Variants in CSMD1 observed in about 807,000 individuals in gnomAD.
CSMD1 encodes the protein CUB and Sushi multiple domains 1.
Under a neutral mutation model 417.5 loss-of-function variants are expected in CSMD1, and 213 were observed. That is an observed-to-expected ratio of 0.51 (90% CI 0.46 to 0.57). The LOEUF is 0.57. Ranked by LOEUF, CSMD1 falls within the 20% of genes least tolerant of loss-of-function variation. CSMD1 has a pLI of 0.00. For missense variants in CSMD1, 6,923 were observed against 4,529.7 expected, an observed-to-expected ratio of 1.53 and a Z score of -15.17; for synonymous variants, 2,862 against 1,736.8, an observed-to-expected ratio of 1.65 and a Z score of -16.11.
At chr8:3,320,724 G>A (rs752661254) in intron 23 of CSMD1, among the ~76,000 whole-genome samples, 50 of 152,132 alleles carry the variant, frequency 3.3e-4, no homozygotes, top group Non-Finnish European at 7.1e-4. Context: ...GTGGGTGACT[G>A]CCATCCATCA....
At chr8:4,017,800 G>C (rs115895829) in intron 4 of CSMD1, among the ~76,000 whole-genome samples, 2 of 152,190 alleles carry the variant, frequency 1.3e-5, no homozygotes, top group African/African-American at 4.8e-5. Flanking sequence ...TCTGCATTTG[G>C]AAAAGATAAC....
At chr8:3,927,940 T>A (rs1046625004) in intron 5 of CSMD1, among the ~76,000 whole-genome samples, 5 of 152,182 alleles carry the variant, frequency 3.3e-5, no homozygotes, top group African/African-American at 9.6e-5. Context: ...TTTGTTAGAT[T>A]ATCTGTTAAT....
At chr8:4,795,433 G>T (rs1191281214) in intron 1 of CSMD1, among the ~76,000 whole-genome samples, 1 of 151,468 alleles carries the variant, frequency 6.6e-6, no homozygotes, top group Non-Finnish European at 1.5e-5. Flanking sequence ...CACCACGCCA[G>T]GCTAACTTTT....
intron 5 of CSMD1, among the ~76,000 whole-genome samples, chr8:3,956,515 G>C (rs568095541): frequency 2.0e-5 from 3 of 152,122 alleles, no homozygotes; most frequent in Non-Finnish European, 4.4e-5. Flanking sequence ...AAAGAGGACA[G>C]GTGGAAACTC....
At chr8:3,636,078 T>C (rs1409012551) in intron 7 of CSMD1, among the ~76,000 whole-genome samples, 2 of 152,034 alleles carry the variant, frequency 1.3e-5, no homozygotes, top group Middle Eastern at 3.4e-3. Context: ...ATTTTATTAT[T>C]TTTTTGTACT....
intron 18 of CSMD1, 62 bp from the exon 19 acceptor site, chr8:3,369,432 A>G: frequency 1.2e-6 from 1 of 803,242 alleles, no homozygotes. Flanking sequence ...CCAGAACAAA[A>G]TACTGGTTAA....
At chr8:4,235,319 T>A (rs535812041) in intron 3 of CSMD1, among the ~76,000 whole-genome samples, 1 of 152,138 alleles carries the variant, frequency 6.6e-6, no homozygotes, top group East Asian at 1.9e-4. Flanking sequence ...ATTTTAAAAT[T>A]TATATAGCCA....
chr8:3,291,626 A>G (rs1278354069), intron 25 of CSMD1, among the ~76,000 whole-genome samples: 1 of 152,114 alleles, frequency 6.6e-6, no homozygotes, highest in Non-Finnish European at 1.5e-5. Context: ...AGGTGTTTAT[A>G]GTATTCTCTG....
chr8:4,393,262 C>T (rs1803978586), intron 3 of CSMD1, among the ~76,000 whole-genome samples: 2 of 152,182 alleles, frequency 1.3e-5, no homozygotes, highest in African/African-American at 4.8e-5. Context: ...AGGCGTGAGC[C>T]ACCCCACCTG....
chr8:4,973,777 A>C (rs1019885971), intron 1 of CSMD1, among the ~76,000 whole-genome samples: 6 of 152,188 alleles, frequency 3.9e-5, no homozygotes, highest in African/African-American at 1.4e-4. Context: ...TGTAAAAGGG[A>C]AACTTAGAAT....
intron 5 of CSMD1, among the ~76,000 whole-genome samples, chr8:3,984,029 G>A (rs1191377306): frequency 6.7e-6 from 1 of 148,322 alleles, no homozygotes; most frequent in Non-Finnish European, 1.5e-5. Context: ...TGCAGCTCTA[G>A]AGCACACGGC....
chr8:4,987,005 T>C (rs1242443610), intron 1 of CSMD1, among the ~76,000 whole-genome samples: 1 of 152,186 alleles, frequency 6.6e-6, no homozygotes, highest in African/African-American at 2.4e-5. Flanking sequence ...TAAATGCATA[T>C]AGTATACATC....
intron 5 of CSMD1, among the ~76,000 whole-genome samples, chr8:3,807,581 A>T (rs540067030): frequency 6.6e-6 from 1 of 152,326 alleles, no homozygotes; most frequent in Non-Finnish European, 1.5e-5. Flanking sequence ...AGACTTACAA[A>T]GCCACAATTT....
chr8:4,559,786 T>A (rs1363546022), intron 2 of CSMD1, among the ~76,000 whole-genome samples: 1 of 152,268 alleles, frequency 6.6e-6, no homozygotes, highest in African/African-American at 2.4e-5. Context: ...TGGTGCATTT[T>A]CCACCTGAGA....
chr8:3,189,926 A>T lies in CSMD1; in HGVS notation c.5384T>A (p.Ile1795Asn), dbSNP rs1199729021. ...PNALAQWNDT[I>N]PSCVVPCSGN... ...ACACTGCTCACCCACACAGCTGGGG[A>T]TCGTGTCGTTCCACTGTGCCAAGGC... The change falls in exon 34 of 70, where the codon ATC becomes AAC. Residue 1795 changes from isoleucine to asparagine, a missense_variant. Ile to Asn is a moderately radical substitution (Grantham distance 149, BLOSUM62 -3). Transcript: ENST00000635120. 2 of 1,582,584 alleles carry T rather than the reference A, an allele frequency of 1.3e-6. No homozygotes were observed. The highest frequency in any genetic ancestry group is 2.3e-5 in the South Asian group (2 of 86,196).
At chr8:4,783,373 T>G (rs1342968013) in intron 1 of CSMD1, among the ~76,000 whole-genome samples, 1 of 152,154 alleles carries the variant, frequency 6.6e-6, no homozygotes, top group Non-Finnish European at 1.5e-5. Flanking sequence ...GGGAGAGAGC[T>G]GTACAGTGGC....
chr8:4,165,220 G>A (rs1039938962), intron 3 of CSMD1, among the ~76,000 whole-genome samples: 12 of 152,314 alleles, frequency 7.9e-5, no homozygotes, highest in African/African-American at 7.2e-5. Flanking sequence ...ACACCCTCCA[G>A]GTGTCACTGT....
At chr8:3,955,310 G>C (rs551035527) in intron 5 of CSMD1, among the ~76,000 whole-genome samples, 2 of 152,194 alleles carry the variant, frequency 1.3e-5, no homozygotes, top group Non-Finnish European at 2.9e-5. Context: ...CACATCCAGT[G>C]TGTTCTTGGT....
intron 2 of CSMD1, among the ~76,000 whole-genome samples, chr8:4,451,796 C>G (rs1011463314): frequency 2.0e-5 from 3 of 151,964 alleles, no homozygotes; most frequent in African/African-American, 7.2e-5. Context: ...ATCCACAATG[C>G]CATCTTAAAG....
Sources: allele counts gnomAD v4.1 joint callset (sites outside exome capture counted in the v4.1 genomes callset), GRCh38; gene constraint gnomAD v4.1.1; transcripts MANE v1.5; gene names NCBI Gene and HGNC (gene_info 2026-07-23, HGNC 2026-07-21).